Variants in ODAD4 observed in about 807,000 individuals in gnomAD.
The protein encoded by ODAD4 is outer dynein arm-docking complex subunit 4.
ODAD4 carries 49 observed loss-of-function variants against 51.8 expected under a neutral mutation model. The ratio of observed to expected loss-of-function variants is 0.95; its 90% CI spans 0.75 to 1.20. The LOEUF (loss-of-function observed/expected upper bound fraction) is 1.20. ODAD4 is among the 50% of genes most tolerant of loss of function. The pLI, the probability that ODAD4 is intolerant of heterozygous loss-of-function variation, is 0.00. For synonymous variants in ODAD4, 235 were observed against 221.3 expected, an observed-to-expected ratio of 1.06 and a Z score of -0.55; for missense variants, 590 against 586.5, an observed-to-expected ratio of 1.01 and a Z score of -0.06.
chr17:41,942,167 C>G (rs1158461045), intron 7 of ODAD4, among the ~76,000 whole-genome samples: 1 of 152,162 alleles, frequency 6.6e-6, no homozygotes, highest in Non-Finnish European at 1.5e-5. Context: ...AACTCCTGAC[C>G]TCAGGTGATC....
At chr17:41,943,319 C>T (rs1432216738) in intron 7 of ODAD4, among the ~76,000 whole-genome samples, 1 of 152,120 alleles carries the variant, frequency 6.6e-6, no homozygotes, top group African/African-American at 2.4e-5. Flanking sequence ...GTGGCTCATG[C>T]CTGTAATTCC....
Position 41,936,954 on chromosome 17 carries a change from C to A in ODAD4, c.625+27C>A, listed in dbSNP as rs782382258. 3.7e-6 allele frequency: 6 copies of A among 1,608,810 alleles called. No homozygotes were observed. In the South Asian group the frequency reaches 4.4e-5, roughly 12 times the overall value. On this transcript the variant is annotated intron_variant, in intron 5 of 11. Coordinates refer to ENST00000377540, the MANE Select transcript of ODAD4 (RefSeq NM_031421.5). ...TTTCGGACACTTTGTTGGCACGGGG[C>A]CTTGGGGGAAAGGAAATCTGGGTGG...
At chr17:41,936,380 C>A in intron 3 of ODAD4, 93 bp from the exon 4 acceptor site, 1 of 902,390 alleles carries the variant, frequency 1.1e-6, no homozygotes, top group Non-Finnish European at 1.8e-6. Flanking sequence ...TCCACCATCC[C>A]CCTGCCAAAG....
chr17:41,960,918 C>A (rs1203931469), intron 10 of ODAD4, among the ~76,000 whole-genome samples: 1 of 152,220 alleles, frequency 6.6e-6, no homozygotes, highest in Non-Finnish European at 1.5e-5. Context: ...GTGGATCATG[C>A]ACTCGAGTTG....
chr17:41,954,850 CAAAAAA>C (rs57545570), intron 9 of ODAD4, among the ~76,000 whole-genome samples: 6 of 92,564 alleles, frequency 6.5e-5, no homozygotes, highest in Non-Finnish European at 1.3e-4. Flanking sequence ...AACTCTGTCT[CAAAAAA>C]AAAAAAAAAA....
In ODAD4 at chr17:41,965,009, A is replaced by G. The variant is rs1252348289; in HGVS notation, c.1545A>G (p.Glu515=). 1.3e-5 allele frequency: 9 copies of G among 712,674 alleles called. No homozygotes were observed. The highest frequency in any genetic ancestry group is 2.3e-5 in the Non-Finnish European group (9 of 383,964). 44.1% of individuals were successfully genotyped at this position (712,674 alleles called of 1,614,324 possible). Residue 515 remains glutamate (E), a synonymous_variant, in exon 12 of 12, where the codon GAA becomes GAG. Coordinates refer to ENST00000377540, the MANE Select transcript of ODAD4 (RefSeq NM_031421.5). ...ATTTTTCAGAAGCTTCACTGTATGAAGATAGAATAATAACAAGAGAGAAGG... is the reference window on the plus strand; with the variant it reads ...ATTTTTCAGAAGCTTCACTGTATGAGGATAGAATAATAACAAGAGAGAAGG... The part of the protein sequence containing the change: ...EKSEGEASLY[E]DRIITREKDM...
In ODAD4 at chr17:41,966,445, G is replaced by A. The variant is rs569911280; in HGVS notation, c.*962G>A. On this transcript the variant is annotated 3_prime_UTR_variant, in exon 12 of 12. Transcript: ENST00000377540. ...GTAAAAAAAAAAGTTTTTAATTAAT[G>A]CAAAAGTCCATGATGAATAAAATAT... Among the ~76,000 whole-genome samples the A allele has an allele frequency of 1.7e-3, 261 of 152,248 alleles. 1 individual carries two copies. Among genetic ancestry groups the A allele is most frequent in the African/African-American group, 6.1e-3 (253 of 41,554 alleles).
chr17:41,965,930 C>CCAAG lies in ODAD4; in HGVS notation c.*448_*449insAAGC, dbSNP rs1555642685. On this transcript the variant is annotated 3_prime_UTR_variant, in exon 12 of 12. Transcript: ENST00000377540. Reference sequence around the variant, plus strand: ...CCCAGCTGTCACAGGTAGGAGAATGCCGCAAGCCAGAACCAAGCGAATGCT... The same window carrying CCAAG: ...CCCAGCTGTCACAGGTAGGAGAATGCCAAGCGCAAGCCAGAACCAAGCGAATGCT... 4.7e-4 allele frequency among the ~76,000 whole-genome samples: 71 copies of CCAAG among 152,214 alleles called. No individual in the cohort carries two copies. The highest frequency in any genetic ancestry group is 1.7e-3 in the African/African-American group (70 of 41,526).
chr17:41,939,606 G>C (rs781948439), intron 7 of ODAD4, among the ~76,000 whole-genome samples: 1 of 152,188 alleles, frequency 6.6e-6, no homozygotes, highest in Non-Finnish European at 1.5e-5. Flanking sequence ...AAAAGTACAG[G>C]ATCCAGTGTG....
In ODAD4 at chr17:41,965,672, C is replaced by T. The variant is rs1475920376; in HGVS notation, c.*189C>T. 3.6e-6 allele frequency: 2 copies of T among 557,108 alleles called. No individual in the cohort carries two copies. The highest frequency in any genetic ancestry group is 6.3e-6 in the Non-Finnish European group (2 of 316,624). The allele number at this position is 557,108 out of a possible 1,614,324, so 34.5% of individuals were successfully genotyped here. ...GCAAACCCTGAGTCTGTCACTTTGC[C>T]TCTTCACCCCTGCCCATTCTTGGAA... On this transcript the variant is annotated 3_prime_UTR_variant, in exon 12 of 12. Coordinates refer to ENST00000377540, the MANE Select transcript of ODAD4 (RefSeq NM_031421.5).
chr17:41,960,039 G>A (rs982796300), intron 10 of ODAD4, among the ~76,000 whole-genome samples: 5 of 152,200 alleles, frequency 3.3e-5, no homozygotes, highest in South Asian at 2.1e-4. Context: ...TGTACCATGC[G>A]CCACATACTT....
chr17:41,947,845 T>C (rs1227588911), intron 8 of ODAD4, among the ~76,000 whole-genome samples: 4 of 151,112 alleles, frequency 2.6e-5, no homozygotes, highest in Non-Finnish European at 5.9e-5. Flanking sequence ...AATGGCTGGG[T>C]GCGGTGGCTC....
rs1346531646 is a variant in ODAD4 at position 41,965,935 on chromosome 17, A to T, written c.*452A>T. ...CTGTCACAGGTAGGAGAATGCCGCA[A>T]GCCAGAACCAAGCGAATGCTGGGAG... On this transcript the variant is annotated 3_prime_UTR_variant, in exon 12 of 12. Transcript: ENST00000377540. 1.3e-5 allele frequency among the ~76,000 whole-genome samples: 2 copies of T among 152,026 alleles called. No individual in the cohort carries two copies. Among genetic ancestry groups the T allele is most frequent in the African/African-American group, 4.8e-5 (2 of 41,284 alleles).
In ODAD4 at chr17:41,937,026, C is replaced by T. The variant is rs2050439434; in HGVS notation, c.625+99C>T. ...GGCAGAACCTGTCATATAATATTAG[C>T]TGACGTGTACCTGTGGACAGGTTTT... On this transcript the variant is annotated intron_variant, in intron 5 of 11. Transcript: ENST00000377540. The T allele has an allele frequency of 5.8e-6, 8 of 1,368,926 alleles. No individual in the cohort carries two copies. The South Asian group carries it at 1.1e-4, about 18-fold the overall frequency. 84.8% of individuals were successfully genotyped at this position (1,368,926 alleles called of 1,614,324 possible).
chr17:41,930,910 T>TTTTTTTGGGGG, intron 1 of ODAD4, 73 bp downstream of exon 1: 1 of 931,228 alleles, frequency 1.1e-6, no homozygotes, highest in Non-Finnish European at 1.6e-6. Flanking sequence ...TTTTTTTTTT[T>TTTTTTTGGGGG]GTGACGGAGT....
chr17:41,964,504 G>C (rs2050848548), intron 11 of ODAD4, among the ~76,000 whole-genome samples: 1 of 152,184 alleles, frequency 6.6e-6, no homozygotes, highest in Non-Finnish European at 1.5e-5. Flanking sequence ...GTCAATGATG[G>C]TTCCCTTTCT....
intron 10 of ODAD4, among the ~76,000 whole-genome samples, chr17:41,958,180 TTTAGGTTTCAGC>T (rs1373366211): frequency 6.6e-6 from 1 of 152,160 alleles, no homozygotes; most frequent in Non-Finnish European, 1.5e-5. Context: ...CCACTCAACC[TTTAGGTTTCAGC>T]TTAGATGTCC....
chr17:41,944,424 ACACACACACACACACACACACCC>A (rs782363206), intron 7 of ODAD4, among the ~76,000 whole-genome samples: 4,186 of 14,970 alleles, frequency 0.28, 190 homozygotes, highest in East Asian at 0.47. Context: ...ACACACACAC[ACACACACACACACACACACACCC>A]CCCCGCATAC....
chr17:41,962,185 G>A (rs1351612421), intron 11 of ODAD4, among the ~76,000 whole-genome samples: 2 of 152,126 alleles, frequency 1.3e-5, no homozygotes, highest in Non-Finnish European at 2.9e-5. Context: ...GGGAAAGGGA[G>A]GCTGAGTGAG....
Sources: gnomAD v4.1 joint callset for allele counts (sites outside exome capture counted in the v4.1 genomes callset) on GRCh38, gnomAD v4.1.1 for gene constraint, MANE v1.5 for transcripts, NCBI Gene and HGNC (gene_info 2026-07-23, HGNC 2026-07-21) for gene names.